The following ALK variants were observed in gnomAD, a reference collection of about 807,000 sequenced individuals.
ALK encodes the protein ALK receptor tyrosine kinase.
Under a neutral mutation model 163.1 loss-of-function variants are expected in ALK, and 74 were observed. The ratio of observed to expected loss-of-function variants is 0.45; its 90% CI spans 0.38 to 0.55. The LOEUF is 0.55. Among genes scored for constraint, ALK ranks in the 20% least tolerant of loss-of-function variants. The pLI, the probability that ALK is intolerant of heterozygous loss-of-function variation, is 0.00. For synonymous variants in ALK, 960 were observed against 843.2 expected, an observed-to-expected ratio of 1.14 and a Z score of -2.40; for missense variants, 2,063 against 2,105.3, an observed-to-expected ratio of 0.98 and a Z score of 0.39.
chr2:29,811,317 G>A (rs36116361), intron 1 of ALK, among the ~76,000 whole-genome samples: 20,249 of 152,102 alleles, frequency 0.13, 1,620 homozygotes, highest in South Asian at 0.2. Context: ...AGTTTGGTAG[G>A]ATGGAAAGCC....
At chr2:29,739,240 T>TAAAAAAAAAAA (rs57381961) in intron 1 of ALK, among the ~76,000 whole-genome samples, 5 of 40,332 alleles carry the variant, frequency 1.2e-4, no homozygotes, top group African/African-American at 5.1e-4. Context: ...CAGTCTCTCT[T>TAAAAAAAAAAA]AAAAAAAAAA....
intron 4 of ALK, among the ~76,000 whole-genome samples, chr2:29,508,794 A>AATCAGAAC (rs1672426551): frequency 6.7e-6 from 1 of 149,834 alleles, no homozygotes; most frequent in South Asian, 2.1e-4. Flanking sequence ...TGACCTATTG[A>AATCAGAAC]ATCAGAACAT....
At chr2:29,430,029 C>A (rs998321330) in intron 4 of ALK, among the ~76,000 whole-genome samples, 1 of 152,182 alleles carries the variant, frequency 6.6e-6, no homozygotes. Context: ...TGAACCCCTA[C>A]CTCATATAAG....
In ALK at chr2:29,383,731, C is replaced by G. The variant is rs1272432889; in HGVS notation, c.1282+1G>C. 1 of 1,613,972 alleles carries G rather than the reference C, an allele frequency of 6.2e-7. No homozygotes were observed. Among genetic ancestry groups the G allele is most frequent in the Non-Finnish European group, 8.5e-7 (1 of 1,179,984 alleles). On this transcript the variant is annotated splice_donor_variant, in intron 5 of 28. Transcript: ENST00000389048. LOFTEE classifies it high-confidence loss of function. Reference sequence around the variant, plus strand: ...AGCGTGGGAAAGCCAGATTCAGATACCTTCACTGCAGTTCTTCAGGGCAAA... The same window carrying G: ...AGCGTGGGAAAGCCAGATTCAGATAGCTTCACTGCAGTTCTTCAGGGCAAA...
intron 3 of ALK, among the ~76,000 whole-genome samples, chr2:29,672,319 C>T (rs933030128): frequency 2.7e-5 from 4 of 150,370 alleles, no homozygotes; most frequent in Admixed American, 6.7e-5. Flanking sequence ...AATGCTATCC[C>T]TCCCCCTTCC....
intron 4 of ALK, among the ~76,000 whole-genome samples, chr2:29,449,747 T>C (rs970279333): frequency 6.6e-6 from 1 of 152,214 alleles, no homozygotes; most frequent in African/African-American, 2.4e-5. Flanking sequence ...ATCTGTTCTG[T>C]AGAGGCATGG....
intron 5 of ALK, among the ~76,000 whole-genome samples, chr2:29,356,252 A>C (rs1668242892): frequency 6.6e-6 from 1 of 152,204 alleles, no homozygotes; most frequent in Non-Finnish European, 1.5e-5. Context: ...GTATTAACTC[A>C]TTTTATCTCC....
At chr2:29,707,030 T>TGTGTGTGTGTGTG (rs70962235) in intron 2 of ALK, among the ~76,000 whole-genome samples, 3 of 128,060 alleles carry the variant, frequency 2.3e-5, no homozygotes, top group South Asian at 2.5e-4. Context: ...TGTGTGTGTG[T>TGTGTGTGTGTGTG]TGGGTAAGGA....
chr2:29,791,029 C>T (rs904122983), intron 1 of ALK, among the ~76,000 whole-genome samples: 1 of 152,222 alleles, frequency 6.6e-6, no homozygotes, highest in African/African-American at 2.4e-5. Context: ...CTTGGCAAGT[C>T]TCTTCCTTTC....
intron 4 of ALK, among the ~76,000 whole-genome samples, chr2:29,413,043 T>C (rs1336903242): frequency 6.6e-6 from 1 of 152,242 alleles, no homozygotes; most frequent in East Asian, 1.9e-4. Flanking sequence ...CCATCACTGA[T>C]TTCCACCTTC....
At chr2:29,207,416 G>A in intron 25 of ALK, 144 bp from the exon 26 acceptor site, 2 of 713,802 alleles carry the variant, frequency 2.8e-6, no homozygotes, top group East Asian at 5.4e-5. Context: ...CGGTTCAGGA[G>A]GAGAGCAGGG....
At chr2:29,748,948 G>T (rs976471815) in intron 1 of ALK, among the ~76,000 whole-genome samples, 3 of 152,136 alleles carry the variant, frequency 2.0e-5, no homozygotes, top group Admixed American at 1.3e-4. Context: ...GTTTTGCCAT[G>T]TTGGCCAGCT....
At position 29,194,009 on chromosome 2, in the gene ALK, CAT is replaced by C. The variant is rs113703903; in HGVS notation, c.4165-89_4165-88del. Reference sequence around the variant, plus strand: ...TACCTTAGAGATGATGTTATCTAAACATATTCTACAGATGAGGAAACCAGGAT... The same window carrying C: ...TACCTTAGAGATGATGTTATCTAAACATTCTACAGATGAGGAAACCAGGAT... On this transcript the variant is annotated intron_variant, in intron 28 of 28. Transcript: ENST00000389048. 3.5e-3 allele frequency: 4,548 copies of C among 1,283,142 alleles called. 127 individuals carry two copies. The African/African-American group carries it at 0.058, about 16-fold the overall frequency. The allele number at this position is 1,283,142 out of a possible 1,614,324, so 79.5% of individuals were successfully genotyped here.
At chr2:29,902,625 C>A (rs542852798) in intron 1 of ALK, among the ~76,000 whole-genome samples, 2 of 152,338 alleles carry the variant, frequency 1.3e-5, no homozygotes, top group Admixed American at 6.5e-5. Flanking sequence ...ATCTCTTCTC[C>A]AAACTGAGAG....
chr2:29,402,125 T>C (rs1429862724), intron 4 of ALK, among the ~76,000 whole-genome samples: 1 of 152,206 alleles, frequency 6.6e-6, no homozygotes, highest in Non-Finnish European at 1.5e-5. Context: ...AGTGAAAGCC[T>C]GGCAGAGCCA....
At chr2:29,771,580 G>A (rs963064834) in intron 1 of ALK, among the ~76,000 whole-genome samples, 1 of 151,370 alleles carries the variant, frequency 6.6e-6, no homozygotes, top group Non-Finnish European at 1.5e-5. Flanking sequence ...TGTCGCCCAG[G>A]CTGGAGTGCA....
At chr2:29,207,073 A>C (rs2148151642) in intron 26 of ALK, 98 bp downstream of exon 26, 1 of 899,356 alleles carries the variant, frequency 1.1e-6, no homozygotes, top group South Asian at 1.3e-5. Flanking sequence ...TTCCCTCCCT[A>C]CTAACACACG....
intron 23 of ALK, among the ~76,000 whole-genome samples, chr2:29,218,238 A>G (rs1244114699): frequency 6.6e-6 from 1 of 152,162 alleles, no homozygotes; most frequent in Admixed American, 6.5e-5. Context: ...CTGGTTGGCA[A>G]CGAGAGCCAC....
At chr2:29,297,104 G>A in intron 8 of ALK, 47 bp from the exon 9 acceptor site, 1 of 1,612,000 alleles carries the variant, frequency 6.2e-7, no homozygotes, top group Non-Finnish European at 8.5e-7. Context: ...TTGCTGAAAG[G>A]TCCCCTTTCT....
Sources: allele counts gnomAD v4.1 joint callset (sites outside exome capture counted in the v4.1 genomes callset), GRCh38; gene constraint gnomAD v4.1.1; transcripts MANE v1.5; gene names NCBI Gene and HGNC (gene_info 2026-07-23, HGNC 2026-07-21).